Variants in RBFOX1 observed in about 807,000 individuals in gnomAD.
RBFOX1 encodes RNA binding protein fox-1 homolog 1.
Under a neutral mutation model 57.7 loss-of-function variants are expected in RBFOX1, and 8 were observed. The ratio of observed to expected loss-of-function variants is 0.14; its 90% CI spans 0.08 to 0.25. The LOEUF (loss-of-function observed/expected upper bound fraction) is 0.25. Among genes scored for constraint, RBFOX1 ranks in the 10% least tolerant of loss-of-function variants. RBFOX1 has a pLI of 1.00. For synonymous variants in RBFOX1, 326 were observed against 222.4 expected (o/e 1.47, Z -4.15); for missense variants, 611 against 548.5 (o/e 1.11, Z -1.14).
chr16:7,528,017 A>G (rs1013262176), intron 5 of RBFOX1, among the ~76,000 whole-genome samples: 2 of 152,232 alleles, frequency 1.3e-5, no homozygotes, highest in Admixed American at 6.5e-5. Context: ...AGTACAAACT[A>G]TCAGTACAAG....
At chr16:6,863,738 T>A (rs758771681) in intron 3 of RBFOX1, among the ~76,000 whole-genome samples, 1,586 of 82,600 alleles carry the variant, frequency 0.019, 71 homozygotes, top group Non-Finnish European at 0.034. Flanking sequence ...TTTTTTTTTT[T>A]TTTTTTTTTT....
chr16:6,408,728 G>A (rs1242099378), intron 2 of RBFOX1, among the ~76,000 whole-genome samples: 2 of 152,116 alleles, frequency 1.3e-5, no homozygotes, highest in Non-Finnish European at 2.9e-5. Flanking sequence ...AAAGGGCATG[G>A]CATTAGGAAA....
At chr16:6,732,164 C>G (rs976767951) in intron 3 of RBFOX1, among the ~76,000 whole-genome samples, 35 of 152,264 alleles carry the variant, frequency 2.3e-4, no homozygotes, top group Non-Finnish European at 4.0e-4. Context: ...CATCTGATCC[C>G]TCCATCTTTC....
intron 2 of RBFOX1, among the ~76,000 whole-genome samples, chr16:6,454,860 GTTTTTTTTTTTTTTTTTTTTTTTTTT>G (rs869038635): frequency 6.5e-5 from 1 of 15,486 alleles, no homozygotes. Flanking sequence ...TCATATACAG[GTTTTTTTTTTTTTTTTTTTTTTTTTT>G]TTTTTTTTTT....
Position 7,509,960 on chromosome 16 carries a change from C to T in RBFOX1, c.28-8187C>T, listed in dbSNP as rs552013587. Among the ~76,000 whole-genome samples, 26 of 117,728 alleles carry T rather than the reference C, an allele frequency of 2.2e-4. No homozygotes were observed. In the East Asian group the frequency reaches 5.5e-3, roughly 25 times the overall value. 77.2% of individuals were successfully genotyped at this position (117,728 alleles called of 152,430 possible). ...TTAAACAGCTATTAATGTGGTCGAG[C>T]AGTGGGTTTTTTTTTTTTTTCCCTT... On this transcript the variant is annotated intron_variant, in intron 4 of 15. Transcript: ENST00000550418.
chr16:5,438,994 A>G (rs892237759), intron 1 of RBFOX1, among the ~76,000 whole-genome samples: 2 of 141,374 alleles, frequency 1.4e-5, no homozygotes, highest in East Asian at 4.9e-4. Context: ...CTTATACTGC[A>G]TATTGTGAAG....
intron 4 of RBFOX1, among the ~76,000 whole-genome samples, chr16:7,382,270 A>C (rs914861920): frequency 1.3e-5 from 2 of 152,222 alleles, no homozygotes; most frequent in Non-Finnish European, 2.9e-5. Context: ...ATATTTTAAC[A>C]GTTGAGATTT....
chr16:6,749,638 A>T (rs1476037109), intron 3 of RBFOX1, among the ~76,000 whole-genome samples: 1 of 152,082 alleles, frequency 6.6e-6, no homozygotes, highest in Non-Finnish European at 1.5e-5. Flanking sequence ...CATCTCCTGG[A>T]GTGTCTCTCC....
intron 3 of RBFOX1, among the ~76,000 whole-genome samples, chr16:6,973,841 C>T (rs1598816224): frequency 2.0e-5 from 3 of 152,040 alleles, no homozygotes; most frequent in East Asian, 1.9e-4. Context: ...AACAGGTAAA[C>T]GTGTGCCATG....
At chr16:7,263,111 C>G (rs1383449391) in intron 4 of RBFOX1, among the ~76,000 whole-genome samples, 2 of 152,210 alleles carry the variant, frequency 1.3e-5, no homozygotes, top group Non-Finnish European at 2.9e-5. Flanking sequence ...TGGTGAGTCA[C>G]TCAGCAAATG....
chr16:5,366,976 A>G (rs932822918), intron 1 of RBFOX1, among the ~76,000 whole-genome samples: 1 of 152,232 alleles, frequency 6.6e-6, no homozygotes, highest in Non-Finnish European at 1.5e-5. Context: ...AAAAATATAC[A>G]TGTGAAATAA....
chr16:6,588,428 G>T (rs1291893495), intron 2 of RBFOX1, among the ~76,000 whole-genome samples: 1 of 152,096 alleles, frequency 6.6e-6, no homozygotes, highest in East Asian at 1.9e-4. Flanking sequence ...CAAGGCAGGT[G>T]GATCGTCTGA....
chr16:6,410,628 T>C (rs2093429917), intron 2 of RBFOX1, among the ~76,000 whole-genome samples: 1 of 152,144 alleles, frequency 6.6e-6, no homozygotes, highest in Non-Finnish European at 1.5e-5. Flanking sequence ...GGCCCTGCGC[T>C]AGGAGGACTG....
At chr16:7,656,770 C>G (rs1441671476) in intron 12 of RBFOX1, among the ~76,000 whole-genome samples, 4 of 152,072 alleles carry the variant, frequency 2.6e-5, no homozygotes, top group African/African-American at 4.8e-5. Flanking sequence ...GGGTGACATA[C>G]AAGCCAACAA....
intron 2 of RBFOX1, among the ~76,000 whole-genome samples, chr16:6,345,964 G>A (rs1009279564): frequency 6.6e-6 from 1 of 152,170 alleles, no homozygotes; most frequent in Non-Finnish European, 1.5e-5. Flanking sequence ...CTCAAAGCGG[G>A]GAGGGGGATT....
chr16:7,078,889 T>TTTTTA (rs1555454750), intron 4 of RBFOX1, among the ~76,000 whole-genome samples: 2 of 141,538 alleles, frequency 1.4e-5, no homozygotes, highest in Non-Finnish European at 3.0e-5. Flanking sequence ...TTTTTTTTTT[T>TTTTTA]AGTGAAGATG....
chr16:7,283,911 A>G (rs540061643), intron 4 of RBFOX1, among the ~76,000 whole-genome samples: 2 of 152,342 alleles, frequency 1.3e-5, no homozygotes, highest in African/African-American at 4.8e-5. Context: ...CATATTCGTC[A>G]TTCCAAAAAC....
chr16:5,489,329 G>A (rs1450114985), intron 2 of RBFOX1, among the ~76,000 whole-genome samples: 2 of 152,228 alleles, frequency 1.3e-5, no homozygotes. Flanking sequence ...AGGATAAAGG[G>A]CAAAGAATTA....
At chr16:7,150,176 C>T (rs931848485) in intron 4 of RBFOX1, among the ~76,000 whole-genome samples, 1 of 152,202 alleles carries the variant, frequency 6.6e-6, no homozygotes, top group Non-Finnish European at 1.5e-5. Context: ...TCTGCTAGAA[C>T]ATGCACATCC....
Sources: gnomAD v4.1 joint callset for allele counts (sites outside exome capture counted in the v4.1 genomes callset) on GRCh38, gnomAD v4.1.1 for gene constraint, MANE v1.5 for transcripts, NCBI Gene and HGNC (gene_info 2026-07-23, HGNC 2026-07-21) for gene names.